Variants in PCDH7 observed in about 807,000 individuals in gnomAD.
The protein encoded by PCDH7 is protocadherin-7.
PCDH7 carries 17 observed loss-of-function variants against 58.9 expected under a neutral mutation model. That is an observed-to-expected ratio of 0.29 (90% CI 0.20 to 0.43). The LOEUF (loss-of-function observed/expected upper bound fraction) is 0.43, where lower values mean the gene tolerates loss of function less well. PCDH7 is among the 20% of genes least tolerant of loss of function. The pLI, the probability that PCDH7 is intolerant of heterozygous loss-of-function variation, is 1.00. For synonymous variants in PCDH7, 664 were observed against 616.4 expected (o/e 1.08, Z -1.14); for missense variants, 1,274 against 1,441.0 (o/e 0.88, Z 1.88).
chr4:30,844,618 C>A (rs923739489), intron 1 of PCDH7, among the ~76,000 whole-genome samples: 1 of 152,160 alleles, frequency 6.6e-6, no homozygotes. Context: ...TCGTAAATCT[C>A]CTCCTCCAAA....
chr4:30,758,015 T>C (rs554073254), intron 1 of PCDH7, among the ~76,000 whole-genome samples: 2 of 152,178 alleles, frequency 1.3e-5, no homozygotes, highest in African/African-American at 4.8e-5. Context: ...GAAATGTGCA[T>C]GATTAATAAG....
Position 30,721,727 on chromosome 4 carries a change from T to C in PCDH7, c.305T>C (p.Ile102Thr), listed in dbSNP as rs1560290072. The C allele has an allele frequency of 6.2e-7, 1 of 1,613,906 alleles. No homozygotes were observed. Among genetic ancestry groups the C allele is most frequent in the South Asian group, 1.1e-5 (1 of 91,056 alleles). ...GAGAAGCTGCCCCAGTGTCAGATGA[T>C]CTTCGACGAGAACGAGTGCTTCCTG... is the stretch of plus-strand genomic sequence containing the variant. Residue 102 changes from isoleucine (I) to threonine (T), a missense_variant, in exon 1 of 2, where the codon ATC becomes ACC. Ile to Thr is a moderately conservative substitution (Grantham distance 89). Around this residue, in one of 3 missense-constraint regions of PCDH7, gnomAD observed 212 missense variants for 255.8 expected, o/e 0.83. Coordinates refer to ENST00000361762, the Ensembl canonical transcript of PCDH7. This position sits in a 1 kb window ranked among gnomAD's most constrained non-coding sequence, Gnocchi z 6.7.
chr4:30,826,688 G>A (rs139925295), intron 1 of PCDH7, among the ~76,000 whole-genome samples: 127 of 152,100 alleles, frequency 8.3e-4, no homozygotes, highest in African/African-American at 2.9e-3. Context: ...AGTCCTAGGG[G>A]TCCTGTAATC....
chr4:30,731,832 TTTATTTGTTA>T (rs1715546771), exon 2 of PCDH7: 2 of 152,158 alleles, frequency 1.3e-5, no homozygotes, highest in African/African-American at 2.4e-5. Flanking sequence ...TGTTTATGTC[TTTATTTGTTA>T]TGTCGTATGT....
In PCDH7 at chr4:30,722,552, A is replaced by G; in HGVS notation, c.1130A>G (p.Glu377Gly). ...GTCCTGCACCGGATCGACCGCGAGG[A>G]GGTGAACCAGCTGCGCTTCACGGTC... The change falls in exon 1 of 2, where the codon GAG becomes GGG. Residue 377 changes from glutamate to glycine, a missense_variant. Transcript: ENST00000361762. The surrounding 1 kb of genome is among the most constrained non-coding windows in gnomAD (Gnocchi z 7.6). The G allele has an allele frequency of 6.2e-7, 1 of 1,612,552 alleles. No homozygotes were observed. Among genetic ancestry groups the G allele is most frequent in the Non-Finnish European group, 8.5e-7 (1 of 1,179,934 alleles).
intron 3 of PCDH7, among the ~76,000 whole-genome samples, chr4:31,096,957 C>T (rs555393979): frequency 2.0e-5 from 3 of 151,214 alleles, no homozygotes; most frequent in East Asian, 2.0e-4. Context: ...TCAGTGTGTG[C>T]ATTTGTGTAT....
chr4:31,006,901 A>AG (rs1752809941), intron 3 of PCDH7, among the ~76,000 whole-genome samples: 1 of 138,838 alleles, frequency 7.2e-6, no homozygotes, highest in Non-Finnish European at 1.5e-5. Context: ...TCAAAAAAAA[A>AG]AAAAAAGAAA....
rs187724322 is a variant in PCDH7 at position 30,939,231 on chromosome 4, T to C, written c.288-10889T>C. Among the ~76,000 whole-genome samples the C allele has an allele frequency of 2.1e-3, 316 of 152,312 alleles. 1 individual carries two copies. Among genetic ancestry groups the C allele is most frequent in the Non-Finnish European group, 3.9e-3 (266 of 68,018 alleles). ...ATTTTAAGTTTCTGTTGAAAACTTA[T>C]GATAATCCAATGTAAATGTGCCTGT... is the stretch of plus-strand genomic sequence containing the variant. On this transcript the variant is annotated intron_variant, in intron 2 of 3. Coordinates refer to the PCDH7 transcript ENST00000509759.
At chr4:30,850,854 A>G (rs980923759) in intron 1 of PCDH7, among the ~76,000 whole-genome samples, 6 of 152,048 alleles carry the variant, frequency 3.9e-5, no homozygotes, top group Admixed American at 2.6e-4. Flanking sequence ...TTTTCTCCCA[A>G]CATCAACTGC....
At chr4:31,105,936 G>A (rs938258545) in intron 3 of PCDH7, among the ~76,000 whole-genome samples, 4 of 151,794 alleles carry the variant, frequency 2.6e-5, no homozygotes, top group Non-Finnish European at 5.9e-5. Context: ...GAACCCGGGA[G>A]GCAGAGCTTG....
At chr4:31,094,961 G>A (rs1216947456) in intron 3 of PCDH7, among the ~76,000 whole-genome samples, 1 of 152,054 alleles carries the variant, frequency 6.6e-6, no homozygotes, top group Non-Finnish European at 1.5e-5. Flanking sequence ...AAATATTGAT[G>A]GCCCAACTGG....
At chr4:30,962,776 TAAAAAAAAAA>T (rs57257786) in intron 3 of PCDH7, among the ~76,000 whole-genome samples, 20 of 70,610 alleles carry the variant, frequency 2.8e-4, no homozygotes, top group Non-Finnish European at 4.1e-4. Context: ...GACCCAGTCT[TAAAAAAAAAA>T]AAAAAAAAAA....
chr4:31,043,132 G>C (rs563568010), intron 3 of PCDH7, among the ~76,000 whole-genome samples: 4 of 152,058 alleles, frequency 2.6e-5, no homozygotes, highest in Non-Finnish European at 5.9e-5. Context: ...ACCTCTTAAA[G>C]ACCTCATCTC....
At chr4:30,954,135 T>C (rs1264907213) in intron 3 of PCDH7, among the ~76,000 whole-genome samples, 1 of 152,154 alleles carries the variant, frequency 6.6e-6, no homozygotes, top group Non-Finnish European at 1.5e-5. Context: ...TATTTATGGA[T>C]AGATTATGGC....
At chr4:31,013,773 C>A (rs577170356) in intron 3 of PCDH7, among the ~76,000 whole-genome samples, 60 of 152,046 alleles carry the variant, frequency 3.9e-4, no homozygotes, top group African/African-American at 1.4e-3. Context: ...ATCCTGGAGA[C>A]AAGGATGGAA....
chr4:30,730,741 T>G, intron 1 of PCDH7: 7 of 1,579,070 alleles, frequency 4.4e-6, no homozygotes, highest in Non-Finnish European at 6.0e-6. Flanking sequence ...ATCTTTATTT[T>G]CCTTCTTTCA....
At chr4:31,034,279 A>G (rs936169007) in intron 3 of PCDH7, among the ~76,000 whole-genome samples, 11 of 152,172 alleles carry the variant, frequency 7.2e-5, no homozygotes, top group East Asian at 3.9e-4. Flanking sequence ...TCAGAGGCAT[A>G]TTAAATGCTT....
intron 1 of PCDH7, among the ~76,000 whole-genome samples, chr4:30,907,521 A>G (rs1741118973): frequency 6.6e-6 from 1 of 152,232 alleles, no homozygotes; most frequent in Admixed American, 6.5e-5. Flanking sequence ...ACTGGTCATC[A>G]GAGAAATGCA....
Position 30,853,292 on chromosome 4 carries a change from A to G in PCDH7, c.71-66861A>G, listed in dbSNP as rs186907721. On this transcript the variant is annotated intron_variant, in intron 1 of 3. Transcript: ENST00000509759. ...AAATGTGCTACCAATCTCCCAGTCT[A>G]TTTCCAAGATATGAGGAATCAAATG... 1.3e-3 allele frequency among the ~76,000 whole-genome samples: 201 copies of G among 152,232 alleles called. 1 individual carries two copies. The highest frequency in any genetic ancestry group is 4.6e-3 in the African/African-American group (191 of 41,554).
Sources: allele counts gnomAD v4.1 joint callset (sites outside exome capture counted in the v4.1 genomes callset), GRCh38; gene constraint gnomAD v4.1.1; regional missense constraint gnomAD v4.1.1; non-coding constraint Gnocchi (gnomAD v3.1); transcripts MANE v1.5; gene names NCBI Gene and HGNC (gene_info 2026-07-23, HGNC 2026-07-21).